ADGRG4: variants seen among roughly 807,000 people sequenced by gnomAD.
ADGRG4 encodes the protein adhesion G protein-coupled receptor G4.
Under a neutral mutation model 126.2 loss-of-function variants are expected in ADGRG4, and 122 were observed. That is an observed-to-expected ratio of 0.97 (90% CI 0.83 to 1.12). The LOEUF is 1.12. ADGRG4 is among the 50% of genes most tolerant of loss of function. The pLI is 0.00. For missense variants in ADGRG4, 2,481 were observed against 2,251.8 expected, an observed-to-expected ratio of 1.10 and a Z score of -2.06; for synonymous variants, 943 against 838.7, an observed-to-expected ratio of 1.12 and a Z score of -2.15.
chrX:136,362,699 C>A (rs905399306), intron 12 of ADGRG4, among the ~76,000 whole-genome samples: 4 of 111,568 alleles, frequency 3.6e-5, no homozygotes, highest in African/African-American at 9.8e-5. Context: ...GTGCTGTTTG[C>A]TCTTCTTGGG....
intron 6 of ADGRG4, among the ~76,000 whole-genome samples, chrX:136,351,134 T>A (rs1316179762): frequency 8.9e-6 from 1 of 111,939 alleles, no homozygotes; most frequent in African/African-American, 3.2e-5. Flanking sequence ...ATGTTCAGTT[T>A]GGCCATTGAG....
Position 136,347,726 on chromosome X carries a change from A to G in ADGRG4, c.4020A>G (p.Thr1340=). The G allele has an allele frequency of 5.0e-6, 6 of 1,210,221 alleles. No individual in the cohort carries two copies. Among genetic ancestry groups the G allele is most frequent in the Non-Finnish European group, 6.7e-6 (6 of 894,365 alleles). ...SSPTSGSTQI[T]PTLTSSNTVG... ...CCACTTCTGGAAGCACACAGATTAC[A>G]CCAACCTTGACCTCAAGTAACACAG... The change falls in exon 6 of 26, where the codon ACA becomes ACG. Residue 1340 remains threonine, a synonymous_variant. Coordinates refer to ENST00000394143, the MANE Select transcript of ADGRG4 (RefSeq NM_153834.4).
Position 136,347,531 on chromosome X carries a change from A to C in ADGRG4, c.3825A>C (p.Thr1275=), listed in dbSNP as rs770478695. 1.7e-6 allele frequency: 2 copies of C among 1,207,999 alleles called. No individual in the cohort carries two copies. The highest frequency in any genetic ancestry group is 3.5e-5 in the African/African-American group (2 of 57,213). Reference sequence around the variant, plus strand: ...AAACCCCTAGAACTATGGAGGTGACAGAAATGTCCCCATCAAAGAATTCTT... The same window carrying C: ...AAACCCCTAGAACTATGGAGGTGACCGAAATGTCCCCATCAAAGAATTCTT... The part of the protein sequence containing the change: ...LGKTPRTMEV[T]EMSPSKNSFI... The change falls in exon 6 of 26, where the codon ACA becomes ACC. Residue 1275 remains threonine (T), a synonymous_variant. Transcript: ENST00000394143.
rs780630086 is a variant in ADGRG4, at chrX:136,346,938, G to C, written c.3232G>C (p.Val1078Leu). 2 of 1,210,794 alleles carry C rather than the reference G, an allele frequency of 1.7e-6. No individual in the cohort carries two copies. Among genetic ancestry groups the C allele is most frequent in the East Asian group, 5.9e-5 (2 of 33,790 alleles). ...GACTGCTTCCACAACCATTGTTATT[G>C]TGCCTACCCATGGAGACTTGATTCG... Reference protein sequence around the residue: ...DQTASTTIVIVPTHGDLIRTT... With the variant: ...DQTASTTIVILPTHGDLIRTT... The change falls in exon 6 of 26, where the codon GTG becomes CTG. Residue 1078 changes from valine (V) to leucine (L), a missense_variant. Physicochemically the swap from Val to Leu is conservative, Grantham distance 32. Coordinates refer to ENST00000394143, the MANE Select transcript of ADGRG4 (RefSeq NM_153834.4).
chrX:136,361,509 A>G lies in ADGRG4; in HGVS notation c.7199A>G (p.Lys2400Arg). The G allele has an allele frequency of 8.4e-7, 1 of 1,188,842 alleles. No homozygotes were observed. Among genetic ancestry groups the G allele is most frequent in the East Asian group, 3.0e-5 (1 of 33,614 alleles). Residue 2400 changes from lysine to arginine, a missense_variant, in exon 12 of 26, where the codon AAG (lysine) becomes AGG (arginine). Transcript: ENST00000394143. Reference protein sequence around the residue: ...ETASKYKGTYKWLLTNPTETA... With the variant: ...ETASKYKGTYRWLLTNPTETA... Reference sequence around the variant, plus strand: ...GCCTCTAAATACAAAGGGACCTATAAGTGGCTATTAACCAACCCTACGGAG... The same window carrying G: ...GCCTCTAAATACAAAGGGACCTATAGGTGGCTATTAACCAACCCTACGGAG...
chrX:136,403,101 C>G (rs1307010482), intron 21 of ADGRG4, 143 bp from the exon 22 acceptor site: 1 of 445,053 alleles, frequency 2.2e-6, no homozygotes, highest in African/African-American at 2.4e-5. Flanking sequence ...AATTCACAAA[C>G]ATTTTGCAAA....
chrX:136,403,783 A>T (rs1264091519), intron 22 of ADGRG4, among the ~76,000 whole-genome samples: 1 of 112,235 alleles, frequency 8.9e-6, no homozygotes, highest in African/African-American at 3.2e-5. Context: ...AAGAACGCTG[A>T]ACAGCTTTCC....
intron 4 of ADGRG4, among the ~76,000 whole-genome samples, chrX:136,313,081 T>C (rs1368212239): frequency 8.9e-6 from 1 of 112,884 alleles, no homozygotes; most frequent in Non-Finnish European, 1.9e-5. Context: ...AAATTGTTTC[T>C]ACATTTTGAC....
rs901534714 is a variant in ADGRG4, at chrX:136,359,171, A to G, written c.6981-121A>G. 3 of 563,201 alleles carry G rather than the reference A, an allele frequency of 5.3e-6. No individual in the cohort carries two copies. In the Admixed American group the frequency reaches 1.0e-4, roughly 19 times the overall value. The allele number at this position is 563,201 out of a possible 1,213,427, so 46.4% of individuals were successfully genotyped here. ...TTAAGATTGGCTGCTTAATAGCTGT[A>G]AAATGTTTGACATTTATGAACTACC... On this transcript the variant is annotated intron_variant, in intron 10 of 25. Coordinates refer to ENST00000394143, the MANE Select transcript of ADGRG4 (RefSeq NM_153834.4).
chrX:136,339,503 A>G, intron 5 of ADGRG4, among the ~76,000 whole-genome samples: 1 of 111,869 alleles, frequency 8.9e-6, no homozygotes, highest in South Asian at 3.8e-4. Context: ...GGAGTATCCA[A>G]CTTGCCTGAA....
At chrX:136,371,666 A>C in intron 14 of ADGRG4, 122 bp downstream of exon 14, 1 of 434,246 alleles carries the variant, frequency 2.3e-6, no homozygotes, top group Non-Finnish European at 3.8e-6. Flanking sequence ...AATATCCTTA[A>C]AAAAATCTTG....
chrX:136,302,748 C>G (rs1250711750), intron 1 of ADGRG4, among the ~76,000 whole-genome samples: 1 of 111,816 alleles, frequency 8.9e-6, no homozygotes, highest in East Asian at 2.8e-4. Flanking sequence ...TGCAGAAGAA[C>G]AGGTAATAAT....
rs758552360 is a variant in ADGRG4 at position 136,387,716 on chromosome X, T to A, written c.7777-24T>A. On this transcript the variant is annotated intron_variant, in intron 15 of 25. Coordinates refer to ENST00000394143, the MANE Select transcript of ADGRG4 (RefSeq NM_153834.4). The stretch of plus-strand genomic sequence containing the variant: ...CTATGATGAATGAAGACTCCAATTT[T>A]CATTTTTTGGCTTTTCTTGGCAGAT... 3 of 1,200,250 alleles carry A rather than the reference T, an allele frequency of 2.5e-6. No homozygotes were observed. In the Admixed American group the frequency reaches 6.7e-5, roughly 27 times the overall value.
intron 15 of ADGRG4, among the ~76,000 whole-genome samples, chrX:136,377,922 C>G (rs1228512583): frequency 4.6e-5 from 5 of 108,353 alleles, no homozygotes; most frequent in Non-Finnish European, 9.5e-5. Flanking sequence ...AATATGAATA[C>G]TTCAACATTG....
chrX:136,366,776 TA>T (rs1390114498), intron 13 of ADGRG4, among the ~76,000 whole-genome samples: 3 of 112,203 alleles, frequency 2.7e-5, no homozygotes, highest in Non-Finnish European at 5.6e-5. Context: ...TGCAATTCCT[TA>T]ATGACATATG....
chrX:136,328,788 C>G (rs1297562006), intron 5 of ADGRG4, among the ~76,000 whole-genome samples: 1 of 111,854 alleles, frequency 8.9e-6, no homozygotes, highest in Non-Finnish European at 1.9e-5. Context: ...AGGAAAAGTT[C>G]CATGGTGATG....
At chrX:136,382,303 A>G (rs1377599283) in intron 15 of ADGRG4, among the ~76,000 whole-genome samples, 1 of 112,345 alleles carries the variant, frequency 8.9e-6, no homozygotes, top group African/African-American at 3.2e-5. Flanking sequence ...TGAAGTCAGT[A>G]AATCCTATGT....
intron 25 of ADGRG4, 129 bp downstream of exon 25, chrX:136,414,456 G>A (rs1157058822): frequency 7.6e-6 from 4 of 528,958 alleles, no homozygotes; most frequent in Admixed American, 3.4e-5. Context: ...TGTATACCTC[G>A]ACTCATTCTT....
intron 4 of ADGRG4, among the ~76,000 whole-genome samples, chrX:136,312,609 G>A (rs899865096): frequency 5.4e-5 from 6 of 110,988 alleles, no homozygotes; most frequent in African/African-American, 1.3e-4. Flanking sequence ...CTGGGCAACC[G>A]GAGTGAAACC....
Sources: allele counts gnomAD v4.1 joint callset (sites outside exome capture counted in the v4.1 genomes callset), GRCh38; gene constraint gnomAD v4.1.1; transcripts MANE v1.5; gene names NCBI Gene and HGNC (gene_info 2026-07-23, HGNC 2026-07-21).